The following TMEM163 variants were observed in gnomAD, a reference collection of about 807,000 sequenced individuals.
TMEM163 encodes the protein transmembrane protein 163.
TMEM163 carries 17 observed loss-of-function variants against 29.3 expected under a neutral mutation model. That is an observed-to-expected ratio of 0.58 (90% confidence interval 0.40 to 0.87). The LOEUF is 0.87. Ranked by LOEUF, TMEM163 falls within the 40% of genes least tolerant of loss-of-function variation. TMEM163 has a pLI of 0.00. For missense variants in TMEM163, 303 were observed against 381.5 expected, an observed-to-expected ratio of 0.79 and a Z score of 1.71; for synonymous variants, 157 against 160.6, an observed-to-expected ratio of 0.98 and a Z score of 0.17.
At chr2:134,597,640 G>T (rs182040930) in intron 2 of TMEM163, among the ~76,000 whole-genome samples, 1 of 152,316 alleles carries the variant, frequency 6.6e-6, no homozygotes, top group East Asian at 1.9e-4. Context: ...GAATGAGTTA[G>T]GGAGGATTCC....
At chr2:134,623,692 G>A (rs541536978) in intron 2 of TMEM163, among the ~76,000 whole-genome samples, 8 of 152,080 alleles carry the variant, frequency 5.3e-5, no homozygotes, top group Non-Finnish European at 1.2e-4. Flanking sequence ...GCTTGAACCC[G>A]GGAGGCAGAG....
chr2:134,661,265 C>A lies in TMEM163; in HGVS notation c.322+51935G>T, dbSNP rs1041287637. 2.0e-5 allele frequency among the ~76,000 whole-genome samples: 3 copies of A among 152,122 alleles called. No homozygotes were observed. The South Asian group carries it at 6.2e-4, about 32-fold the overall frequency. On this transcript the variant is annotated intron_variant, in intron 2 of 7. Transcript: ENST00000281924. ...AGAGGTCCTTCGCCAGATGCTGGTGCCTTGATCTTGCACTTCCCAGCTACC... is the reference window on the plus strand; with the variant it reads ...AGAGGTCCTTCGCCAGATGCTGGTGACTTGATCTTGCACTTCCCAGCTACC...
intron 4 of TMEM163, among the ~76,000 whole-genome samples, chr2:134,524,948 G>T (rs992780769): frequency 6.6e-6 from 1 of 151,142 alleles, no homozygotes; most frequent in African/African-American, 2.4e-5. Flanking sequence ...TCACCACATT[G>T]CCTTCCACAA....
chr2:134,587,413 C>T (rs1272731020), intron 2 of TMEM163, among the ~76,000 whole-genome samples: 1 of 151,996 alleles, frequency 6.6e-6, no homozygotes, highest in Non-Finnish European at 1.5e-5. Flanking sequence ...TCTGTCAAAA[C>T]AAACAAAGAA....
chr2:134,643,865 T>C (rs1435477312), intron 2 of TMEM163, among the ~76,000 whole-genome samples: 1 of 151,766 alleles, frequency 6.6e-6, no homozygotes, highest in African/African-American at 2.4e-5. Flanking sequence ...ACAGAAAATC[T>C]CAAGGAATCT....
At chr2:134,628,278 A>G (rs1682895045) in intron 2 of TMEM163, among the ~76,000 whole-genome samples, 1 of 152,242 alleles carries the variant, frequency 6.6e-6, no homozygotes, top group Admixed American at 6.5e-5. Context: ...CTACATGCCT[A>G]TCTGTGCAGG....
chr2:134,496,680 T>C (rs1314655003), intron 5 of TMEM163, among the ~76,000 whole-genome samples: 1 of 152,170 alleles, frequency 6.6e-6, no homozygotes, highest in East Asian at 1.9e-4. Context: ...GGGAAGGAAT[T>C]GTAGGCAAAA....
At chr2:134,464,908 C>T (rs568431815) in intron 6 of TMEM163, among the ~76,000 whole-genome samples, 4 of 152,258 alleles carry the variant, frequency 2.6e-5, no homozygotes, top group South Asian at 2.1e-4. Flanking sequence ...AGGTCAACAT[C>T]GGCTAAGACA....
intron 2 of TMEM163, among the ~76,000 whole-genome samples, chr2:134,660,225 G>T (rs566684795): frequency 6.6e-6 from 1 of 152,108 alleles, no homozygotes; most frequent in Non-Finnish European, 1.5e-5. Flanking sequence ...AAACACCAGA[G>T]GGTTTTTAAG....
intron 4 of TMEM163, among the ~76,000 whole-genome samples, chr2:134,506,375 T>G (rs1433083805): frequency 6.6e-6 from 1 of 152,204 alleles, no homozygotes; most frequent in Non-Finnish European, 1.5e-5. Context: ...ATATTTATTG[T>G]GTTTACACAG....
intron 2 of TMEM163, among the ~76,000 whole-genome samples, chr2:134,597,325 C>G (rs1335281161): frequency 6.6e-5 from 10 of 152,162 alleles, no homozygotes; most frequent in African/African-American, 2.2e-4. Context: ...TAGCATGAAG[C>G]ATTGTTGAAT....
At chr2:134,711,288 A>G (rs1684921336) in intron 2 of TMEM163, among the ~76,000 whole-genome samples, 1 of 152,212 alleles carries the variant, frequency 6.6e-6, no homozygotes, top group Non-Finnish European at 1.5e-5. Flanking sequence ...GACCATATCA[A>G]GGGTTTAAAA....
chr2:134,650,398 C>A (rs1298078943), intron 2 of TMEM163, among the ~76,000 whole-genome samples: 1 of 151,800 alleles, frequency 6.6e-6, no homozygotes, highest in Non-Finnish European at 1.5e-5. Context: ...TGATATAAAT[C>A]AAACTTGAAA....
intron 4 of TMEM163, among the ~76,000 whole-genome samples, chr2:134,548,468 C>T (rs948700760): frequency 5.3e-4 from 80 of 152,272 alleles, no homozygotes; most frequent in African/African-American, 1.9e-3. Flanking sequence ...TCTTCTGACA[C>T]GACAGTGGCT....
chr2:134,458,318 G>C (rs1424334793), intron 6 of TMEM163, 145 bp from the exon 7 acceptor site: 1 of 903,946 alleles, frequency 1.1e-6, no homozygotes, highest in Non-Finnish European at 1.7e-6. Context: ...CCACCACCTG[G>C]GCCCATCAAG....
chr2:134,584,636 T>TAAAAAAA (rs34838986), intron 2 of TMEM163, among the ~76,000 whole-genome samples: 1 of 126,950 alleles, frequency 7.9e-6, no homozygotes, highest in Non-Finnish European at 1.7e-5. Flanking sequence ...AAATTTCTAG[T>TAAAAAAA]AAAAAAAAAA....
At chr2:134,482,248 T>C (rs982957675) in intron 5 of TMEM163, among the ~76,000 whole-genome samples, 2 of 152,184 alleles carry the variant, frequency 1.3e-5, no homozygotes, top group Admixed American at 1.3e-4. Flanking sequence ...TAAAATGCTT[T>C]TCTGCAGGGC....
At chr2:134,666,552 C>T (rs182971114) in intron 2 of TMEM163, among the ~76,000 whole-genome samples, 67 of 152,334 alleles carry the variant, frequency 4.4e-4, no homozygotes, top group African/African-American at 1.3e-3. Context: ...GCAGAATCCT[C>T]CACCTTCCTG....
In TMEM163 at chr2:134,456,727, T is replaced by C; in HGVS notation, c.859A>G (p.Met287Val). 2 of 1,613,980 alleles carry C rather than the reference T, an allele frequency of 1.2e-6. No individual in the cohort carries two copies. Among genetic ancestry groups the C allele is most frequent in the Non-Finnish European group, 1.7e-6 (2 of 1,179,970 alleles). ...PRVRQTRHYEMFE is the reference protein window; with the variant it reads ...PRVRQTRHYEVFE ...GATGCTGGCCCCCTTCACTCAAACA[T>C]CTCGTAGTGACGTGTCTGCCTCACC... is the stretch of plus-strand genomic sequence containing the variant. The change falls in exon 8 of 8, where the codon ATG becomes GTG. Residue 287 changes from methionine to valine, a missense_variant. This residue lies in a region of TMEM163 where 203 missense variants were observed against 294.3 expected (regional missense o/e 0.69). Transcript: ENST00000281924.
Sources: gnomAD v4.1 joint callset for allele counts (sites outside exome capture counted in the v4.1 genomes callset) on GRCh38, gnomAD v4.1.1 for gene constraint, gnomAD v4.1.1 regional missense constraint, MANE v1.5 for transcripts, NCBI Gene and HGNC (gene_info 2026-07-23, HGNC 2026-07-21) for gene names.